The following GRIK1 variants were observed in gnomAD, a reference collection of about 807,000 sequenced individuals.
GRIK1 encodes the protein glutamate ionotropic receptor kainate type subunit 1.
GRIK1 carries 69 observed loss-of-function variants against 105.7 expected under a neutral mutation model. The ratio of observed to expected loss-of-function variants is 0.65; its 90% CI spans 0.54 to 0.80. The LOEUF (loss-of-function observed/expected upper bound fraction) is 0.80. Among genes scored for constraint, GRIK1 ranks in the 30% least tolerant of loss-of-function variants. GRIK1 has a pLI of 0.00. For missense variants in GRIK1, 1,109 were observed against 1,167.3 expected, an observed-to-expected ratio of 0.95 and a Z score of 0.73; for synonymous variants, 438 against 431.3, an observed-to-expected ratio of 1.02 and a Z score of -0.19.
At chr21:29,794,384 CTG>C (rs1181264578) in intron 1 of GRIK1, among the ~76,000 whole-genome samples, 15 of 152,192 alleles carry the variant, frequency 9.9e-5, no homozygotes, top group Non-Finnish European at 1.8e-4. Flanking sequence ...GTACATGTCA[CTG>C]TGTTAGAGAA....
chr21:29,775,632 C>T (rs956379964), intron 1 of GRIK1, among the ~76,000 whole-genome samples: 1 of 152,202 alleles, frequency 6.6e-6, no homozygotes, highest in Admixed American at 6.5e-5. Context: ...GGTCTCCTGA[C>T]TCTGCTCCAT....
intron 1 of GRIK1, among the ~76,000 whole-genome samples, chr21:29,927,129 G>A (rs1192806432): frequency 3.3e-5 from 5 of 152,148 alleles, no homozygotes; most frequent in South Asian, 2.1e-4. Context: ...AGCACTCACA[G>A]ACATTGCCTT....
intron 2 of GRIK1, among the ~76,000 whole-genome samples, chr21:29,691,008 C>A (rs1422611446): frequency 1.3e-5 from 2 of 151,892 alleles, no homozygotes; most frequent in African/African-American, 4.8e-5. Flanking sequence ...GTGTGTCATC[C>A]CTTATTTAAG....
At chr21:29,904,317 T>G (rs373059980) in intron 1 of GRIK1, among the ~76,000 whole-genome samples, 3 of 141,884 alleles carry the variant, frequency 2.1e-5, no homozygotes, top group Admixed American at 7.0e-5. Flanking sequence ...CACTTTTTTT[T>G]GGGAAAAAAA....
chr21:29,595,543 G>A (rs1199419495), intron 9 of GRIK1, among the ~76,000 whole-genome samples: 1 of 151,996 alleles, frequency 6.6e-6, no homozygotes, highest in African/African-American at 2.4e-5. Flanking sequence ...ACTAAGAGGG[G>A]GACAAGGTTT....
chr21:29,561,669 C>G lies in GRIK1; in HGVS notation c.2311G>C (p.Gly771Arg). 6.2e-7 allele frequency: 1 copy of G among 1,614,006 alleles called. No homozygotes were observed. The highest frequency in any genetic ancestry group is 8.5e-7 in the Non-Finnish European group (1 of 1,179,912). ...TQRNCNLTQIGGLIDSKGYGV... is the reference protein window; with the variant it reads ...TQRNCNLTQIRGLIDSKGYGV... ...TAACCTTTGGAGTCAATGAGGCCCCCGATCTGAGTGAGGTTGCAGTTTCTC... is the reference window on the plus strand; with the variant it reads ...TAACCTTTGGAGTCAATGAGGCCCCGGATCTGAGTGAGGTTGCAGTTTCTC... The change falls in exon 15 of 18, where the codon GGG (glycine) becomes CGG (arginine). Residue 771 changes from glycine to arginine, a missense_variant. Physicochemically the swap from Gly to Arg is moderately radical, Grantham distance 125 (BLOSUM62 -2). Around this residue, in one of 5 missense-constraint regions of GRIK1, gnomAD observed 264 missense variants for 306.9 expected, o/e 0.86. Transcript: ENST00000327783.
chr21:29,570,456 C>T (rs148224436), intron 14 of GRIK1, among the ~76,000 whole-genome samples: 306 of 151,428 alleles, frequency 2.0e-3, no homozygotes, highest in Non-Finnish European at 3.4e-3. Flanking sequence ...GAGCCAAGAT[C>T]GCACCATTGC....
chr21:29,782,368 CT>C (rs1365877959), intron 1 of GRIK1, among the ~76,000 whole-genome samples: 2 of 152,130 alleles, frequency 1.3e-5, no homozygotes. Context: ...TTACAGGCCA[CT>C]TTTTTCGGTA....
intron 1 of GRIK1, among the ~76,000 whole-genome samples, chr21:29,887,067 A>G (rs909674353): frequency 3.3e-5 from 5 of 152,124 alleles, no homozygotes; most frequent in Non-Finnish European, 7.4e-5. Flanking sequence ...TACTAATTGT[A>G]TGGTGGTTTT....
At chr21:29,702,982 C>A (rs997349828) in intron 1 of GRIK1, among the ~76,000 whole-genome samples, 1 of 152,186 alleles carries the variant, frequency 6.6e-6, no homozygotes, top group Non-Finnish European at 1.5e-5. Flanking sequence ...TCTCAATTGT[C>A]TTCAGAAAGT....
intron 1 of GRIK1, among the ~76,000 whole-genome samples, chr21:29,889,091 A>G (rs889121859): frequency 6.6e-6 from 1 of 152,208 alleles, no homozygotes; most frequent in Non-Finnish European, 1.5e-5. Flanking sequence ...GACTTCTAAA[A>G]TCTTCTTACT....
chr21:29,917,155 TG>T (rs2071026882), intron 1 of GRIK1, among the ~76,000 whole-genome samples: 1 of 152,052 alleles, frequency 6.6e-6, no homozygotes, highest in South Asian at 2.1e-4. Context: ...AAATGAAGAC[TG>T]GATTTTAACA....
At chr21:29,599,082 G>A (rs560785949) in intron 7 of GRIK1, 145 bp from the exon 8 acceptor site, 6 of 529,490 alleles carry the variant, frequency 1.1e-5, no homozygotes, top group East Asian at 9.4e-5. Context: ...TTGGTTCAGC[G>A]ACAAGATAGC....
intron 2 of GRIK1, among the ~76,000 whole-genome samples, chr21:29,691,560 A>G (rs914703041): frequency 6.6e-6 from 1 of 152,238 alleles, no homozygotes; most frequent in Non-Finnish European, 1.5e-5. Flanking sequence ...CTCTACAACC[A>G]TGTAAAATAG....
intron 1 of GRIK1, among the ~76,000 whole-genome samples, chr21:29,898,045 CT>C (rs1396379223): frequency 6.6e-6 from 1 of 152,200 alleles, no homozygotes; most frequent in Non-Finnish European, 1.5e-5. Context: ...AATTTCATGT[CT>C]TTAGCTTCTT....
At chr21:29,761,012 T>A (rs1413452124) in intron 1 of GRIK1, among the ~76,000 whole-genome samples, 1 of 152,198 alleles carries the variant, frequency 6.6e-6, no homozygotes, top group Non-Finnish European at 1.5e-5. Context: ...CATTTACCTT[T>A]CCTGTGTGAT....
intron 7 of GRIK1, among the ~76,000 whole-genome samples, chr21:29,607,009 G>C (rs987193942): frequency 6.6e-6 from 1 of 152,186 alleles, no homozygotes; most frequent in Non-Finnish European, 1.5e-5. Context: ...TCATAGCTGA[G>C]TATATGAAGT....
intron 1 of GRIK1, among the ~76,000 whole-genome samples, chr21:29,784,132 G>A (rs2066197949): frequency 6.6e-6 from 1 of 152,146 alleles, no homozygotes; most frequent in Non-Finnish European, 1.5e-5. Context: ...CTTACCTTTT[G>A]TGAAGCTTAA....
chr21:29,834,485 C>G lies in GRIK1; in HGVS notation c.118+104898G>C, dbSNP rs1426280310. ...TGATGGATCTGCTTCCTTCACCCCCCACTTTGTTCTTCACTTCTTGGTCAT... is the reference window on the plus strand; with the variant it reads ...TGATGGATCTGCTTCCTTCACCCCCGACTTTGTTCTTCACTTCTTGGTCAT... On this transcript the variant is annotated intron_variant, in intron 1 of 17. Transcript: ENST00000327783. 6.6e-5 allele frequency among the ~76,000 whole-genome samples: 10 copies of G among 151,322 alleles called. No individual in the cohort carries two copies. The South Asian group carries it at 1.2e-3, about 19-fold the overall frequency.
Sources: allele counts gnomAD v4.1 joint callset (sites outside exome capture counted in the v4.1 genomes callset), GRCh38; gene constraint gnomAD v4.1.1; regional missense constraint gnomAD v4.1.1; transcripts MANE v1.5; gene names NCBI Gene and HGNC (gene_info 2026-07-23, HGNC 2026-07-21).